TXK: variants seen among roughly 807,000 people sequenced by gnomAD.
TXK encodes the protein tyrosine-protein kinase TXK.
A neutral mutation model predicts 81.0 loss-of-function variants in TXK; 60 were observed. That is an observed-to-expected ratio of 0.74 (90% CI 0.60 to 0.92). TXK has a LOEUF of 0.92. Among genes scored for constraint, TXK ranks in the 40% least tolerant of loss-of-function variants. The pLI is 0.00. For missense variants in TXK, 581 were observed against 638.3 expected (o/e 0.91, Z 0.97); for synonymous variants, 203 against 210.7 (o/e 0.96, Z 0.32).
rs56692810 is a variant in TXK, at chr4:48,127,523, G to T, written c.16+6632C>A. 8.0e-3 allele frequency among the ~76,000 whole-genome samples: 1,218 copies of T among 152,344 alleles called. 13 individuals are homozygous for T. Among genetic ancestry groups the T allele is most frequent in the African/African-American group, 0.025 (1,040 of 41,576 alleles). On this transcript the variant is annotated intron_variant, in intron 1 of 14. Coordinates refer to ENST00000264316, the MANE Select transcript of TXK (RefSeq NM_003328.3). ...AGGCAGGAACTCATGCATATCAAGG[G>T]CCTTTGCCAGAGTGACAAAAATGCC...
Position 48,086,533 on chromosome 4 carries a change from C to A in TXK, c.889G>T (p.Ala297Ser). Residue 297 changes from alanine (A) to serine (S), a missense_variant, in exon 10 of 15, where the codon GCT (alanine) becomes TCT (serine). Transcript: ENST00000264316. The stretch of plus-strand genomic sequence containing the variant: ...GAGCCTTCATTGATGGCCTTGATAG[C>A]TACCTGGATATGTGACCGCCATTCA... ...LGEWRSHIQV[A>S]IKAINEGSMS... The A allele has an allele frequency of 1.2e-6, 2 of 1,614,062 alleles. No individual in the cohort carries two copies. Among genetic ancestry groups the A allele is most frequent in the African/African-American group, 2.7e-5 (2 of 75,010 alleles).
chr4:48,068,584 T>G (rs1716699429), intron 14 of TXK, among the ~76,000 whole-genome samples: 1 of 152,216 alleles, frequency 6.6e-6, no homozygotes, highest in African/African-American at 2.4e-5. Flanking sequence ...AGTCAGCAAC[T>G]CTAAAGGAAG....
intron 6 of TXK, among the ~76,000 whole-genome samples, chr4:48,102,805 C>A (rs1428650796): frequency 6.6e-6 from 1 of 152,082 alleles, no homozygotes; most frequent in African/African-American, 2.4e-5. Flanking sequence ...TATATGTACC[C>A]ATAACGGTAC....
chr4:48,096,436 C>A (rs1472040139), intron 6 of TXK, among the ~76,000 whole-genome samples: 1 of 152,194 alleles, frequency 6.6e-6, no homozygotes, highest in Non-Finnish European at 1.5e-5. Flanking sequence ...TTCCTGACTA[C>A]AAAGCAATAA....
At chr4:48,099,140 C>A (rs1407671596) in intron 6 of TXK, among the ~76,000 whole-genome samples, 1 of 152,126 alleles carries the variant, frequency 6.6e-6, no homozygotes, top group Non-Finnish European at 1.5e-5. Context: ...AGAGAATCAA[C>A]TGAAAACCTA....
intron 13 of TXK, among the ~76,000 whole-genome samples, chr4:48,072,670 G>A (rs1225245766): frequency 6.6e-6 from 1 of 152,210 alleles, no homozygotes; most frequent in African/African-American, 2.4e-5. Context: ...TTTTATAAGT[G>A]TGAGATCAAT....
At chr4:48,088,735 G>T (rs544341134) in intron 9 of TXK, among the ~76,000 whole-genome samples, 1 of 152,106 alleles carries the variant, frequency 6.6e-6, no homozygotes, top group African/African-American at 2.4e-5. Context: ...GTTAATGGTA[G>T]AACTTTGTAT....
intron 1 of TXK, among the ~76,000 whole-genome samples, chr4:48,130,432 T>C (rs1426877158): frequency 6.6e-6 from 1 of 152,118 alleles, no homozygotes; most frequent in Admixed American, 6.5e-5. Context: ...GTGCCTCGGT[T>C]TCTCGTGATG....
chr4:48,093,680 A>G (rs1396774652), intron 8 of TXK, among the ~76,000 whole-genome samples: 1 of 152,204 alleles, frequency 6.6e-6, no homozygotes, highest in Non-Finnish European at 1.5e-5. Context: ...TATAAGGGTG[A>G]TTTTCTATTA....
At chr4:48,086,051 T>C (rs1048629034) in intron 10 of TXK, among the ~76,000 whole-genome samples, 3 of 152,148 alleles carry the variant, frequency 2.0e-5, no homozygotes, top group Admixed American at 6.5e-5. Flanking sequence ...CTAGACACTG[T>C]CGTGGGGCCA....
chr4:48,113,141 CATGA>C, intron 3 of TXK, 62 bp downstream of exon 3: 3 of 1,179,942 alleles, frequency 2.5e-6, no homozygotes, highest in Non-Finnish European at 3.8e-6. Context: ...AACAGCACCT[CATGA>C]ATGAAGACTC....
intron 1 of TXK, among the ~76,000 whole-genome samples, chr4:48,124,592 C>T (rs1057019838): frequency 1.3e-5 from 2 of 151,992 alleles, no homozygotes; most frequent in Admixed American, 6.6e-5. Context: ...TCTTATCACC[C>T]AGTATTTCAC....
At chr4:48,099,494 T>C (rs1050224564) in intron 6 of TXK, among the ~76,000 whole-genome samples, 8 of 152,224 alleles carry the variant, frequency 5.3e-5, no homozygotes, top group Admixed American at 2.0e-4. Flanking sequence ...TTGTAATGCC[T>C]GAAAATTTTT....
intron 5 of TXK, among the ~76,000 whole-genome samples, chr4:48,107,716 C>T (rs1390140489): frequency 3.3e-5 from 5 of 151,670 alleles, no homozygotes; most frequent in Non-Finnish European, 7.4e-5. Context: ...TTGCCGCCCT[C>T]GCCCCAACCC....
chr4:48,114,301 A>G (rs761024658), intron 2 of TXK, 47 bp downstream of exon 2: 2 of 1,593,200 alleles, frequency 1.3e-6, no homozygotes, highest in African/African-American at 2.7e-5. Context: ...TAATAAAGAA[A>G]CGGAATTAAT....
intron 6 of TXK, among the ~76,000 whole-genome samples, chr4:48,099,322 C>CTTTG (rs1718099589): frequency 1.3e-5 from 2 of 152,172 alleles, no homozygotes; most frequent in Admixed American, 1.3e-4. Flanking sequence ...AAAGAAAACT[C>CTTTG]TAAAATGCTC....
At chr4:48,114,448 T>C in intron 1 of TXK, 46 bp from the exon 2 acceptor site, 4 of 1,587,210 alleles carry the variant, frequency 2.5e-6, no homozygotes, top group South Asian at 1.1e-5. Context: ...CATGAGTACG[T>C]GATATTGAGG....
chr4:48,123,222 G>A lies in TXK; in HGVS notation c.17-8820C>T, dbSNP rs554305311. ...AAGGAAAAACCCAGAAAATCAAATAGGTCTGTGATTTGATAGTTAGGTACC... is the reference window on the plus strand; with the variant it reads ...AAGGAAAAACCCAGAAAATCAAATAAGTCTGTGATTTGATAGTTAGGTACC... On this transcript the variant is annotated intron_variant, in intron 1 of 14. Transcript: ENST00000264316. Among the ~76,000 whole-genome samples, 4 of 152,250 alleles carry A rather than the reference G, an allele frequency of 2.6e-5. No individual in the cohort carries two copies. In the South Asian group the frequency reaches 6.3e-4, roughly 24 times the overall value.
chr4:48,113,397 A>G, intron 2 of TXK, 88 bp from the exon 3 acceptor site: 1 of 1,016,996 alleles, frequency 9.8e-7, no homozygotes, highest in South Asian at 1.6e-5. Context: ...AATAGCAGAA[A>G]AATCCAGGTC....
Sources: gnomAD v4.1 joint callset for allele counts (sites outside exome capture counted in the v4.1 genomes callset) on GRCh38, gnomAD v4.1.1 for gene constraint, MANE v1.5 for transcripts, NCBI Gene and HGNC (gene_info 2026-07-23, HGNC 2026-07-21) for gene names.